The following VAV3 variants were observed in gnomAD, a reference collection of about 807,000 sequenced individuals.
The protein encoded by VAV3 is guanine nucleotide exchange factor VAV3.
In VAV3, 94 loss-of-function variants were observed where a neutral mutation model predicts 131.2. The ratio of observed to expected loss-of-function variants is 0.72; its 90% confidence interval spans 0.61 to 0.85. VAV3 has a LOEUF of 0.85. Among genes scored for constraint, VAV3 ranks in the 40% least tolerant of loss-of-function variants. The probability of loss-of-function intolerance (pLI) is 0.00; values close to 1 mark genes in which losing one functional copy is unlikely to be tolerated. For synonymous variants in VAV3, 349 were observed against 342.0 expected, an observed-to-expected ratio of 1.02 and a Z score of -0.22; for missense variants, 939 against 1,002.7, an observed-to-expected ratio of 0.94 and a Z score of 0.86.
rs1214017570 is a variant in VAV3 at position 107,830,111 on chromosome 1, GAA to G, written c.321+44788_321+44789del. Among the ~76,000 whole-genome samples the G allele has an allele frequency of 5.3e-5, 8 of 152,212 alleles. No individual in the cohort carries two copies. In the East Asian group the frequency reaches 1.5e-3, roughly 29 times the overall value. ...CAGCAGGCTTTAAAGGCCATTGTCA[GAA>G]AAGTCTGAGAACCAGAAAACAGGTT... On this transcript the variant is annotated intron_variant, in intron 2 of 26. Coordinates refer to ENST00000370056, the MANE Select transcript of VAV3 (RefSeq NM_006113.5).
At chr1:107,870,954 G>A (rs987006996) in intron 2 of VAV3, among the ~76,000 whole-genome samples, 5 of 152,076 alleles carry the variant, frequency 3.3e-5, no homozygotes, top group African/African-American at 7.2e-5. Context: ...CTTCTATTAC[G>A]CTCTAGAAAT....
chr1:107,913,271 G>A (rs1392935023), intron 1 of VAV3, among the ~76,000 whole-genome samples: 2 of 152,178 alleles, frequency 1.3e-5, no homozygotes, highest in Admixed American at 1.3e-4. Flanking sequence ...GTTTGCCAGA[G>A]AAATGTCAGA....
chr1:107,796,667 A>T (rs1666562274), intron 2 of VAV3, among the ~76,000 whole-genome samples: 1 of 152,028 alleles, frequency 6.6e-6, no homozygotes, highest in African/African-American at 2.4e-5. Context: ...AAGAGTACTT[A>T]TTATGCTCAC....
chr1:107,685,194 T>A (rs543537675), intron 18 of VAV3, among the ~76,000 whole-genome samples: 1 of 152,308 alleles, frequency 6.6e-6, no homozygotes, highest in South Asian at 2.1e-4. Context: ...TCTTACACCT[T>A]GAATTTAGAA....
chr1:107,818,339 C>T (rs932545552), intron 2 of VAV3, among the ~76,000 whole-genome samples: 8 of 152,022 alleles, frequency 5.3e-5, no homozygotes, highest in African/African-American at 1.7e-4. Flanking sequence ...ATTCTCTATA[C>T]GTTTAGTGGA....
At chr1:107,643,431 ATT>A (rs1427418467) in intron 19 of VAV3, among the ~76,000 whole-genome samples, 2 of 152,130 alleles carry the variant, frequency 1.3e-5, no homozygotes, top group Non-Finnish European at 2.9e-5. Flanking sequence ...TCAGTTCACG[ATT>A]TCATTTTTGA....
At chr1:107,952,428 T>C (rs1344951732) in intron 1 of VAV3, among the ~76,000 whole-genome samples, 3 of 145,912 alleles carry the variant, frequency 2.1e-5, no homozygotes, top group Admixed American at 6.9e-5. Context: ...TTTACCTATG[T>C]AACAAACCTG....
At chr1:107,914,458 TC>T (rs1431675872) in intron 1 of VAV3, among the ~76,000 whole-genome samples, 1 of 152,138 alleles carries the variant, frequency 6.6e-6, no homozygotes. Context: ...ATTATTTGAG[TC>T]CTAATGCCAT....
chr1:107,916,792 T>TGAATG (rs1445958006), intron 1 of VAV3, among the ~76,000 whole-genome samples: 5 of 152,032 alleles, frequency 3.3e-5, no homozygotes, highest in Non-Finnish European at 5.9e-5. Flanking sequence ...ATGAATGAAT[T>TGAATG]AATACGATTC....
chr1:107,631,976 C>T (rs988032358), intron 20 of VAV3, among the ~76,000 whole-genome samples: 4 of 152,046 alleles, frequency 2.6e-5, no homozygotes, highest in Non-Finnish European at 4.4e-5. Context: ...GATTTATAAT[C>T]TTTTGGGTAT....
intron 1 of VAV3, among the ~76,000 whole-genome samples, chr1:107,909,443 C>T (rs531637485): frequency 1.1e-4 from 16 of 147,126 alleles, no homozygotes; most frequent in Admixed American, 1.1e-3. Flanking sequence ...GATGAGTAGA[C>T]AATGGAAAAA....
At chr1:107,851,252 G>A (rs887098934) in intron 2 of VAV3, among the ~76,000 whole-genome samples, 2 of 150,852 alleles carry the variant, frequency 1.3e-5, no homozygotes, top group African/African-American at 4.9e-5. Flanking sequence ...GAAAGGAGAA[G>A]AGCTATCACT....
chr1:107,860,140 A>C (rs1478298720), intron 2 of VAV3, among the ~76,000 whole-genome samples: 2 of 152,092 alleles, frequency 1.3e-5, no homozygotes, highest in Admixed American at 6.6e-5. Flanking sequence ...TTTGTTTTTG[A>C]CAGGGAGTCT....
chr1:107,916,190 A>AT (rs988644707), intron 1 of VAV3, among the ~76,000 whole-genome samples: 2 of 152,154 alleles, frequency 1.3e-5, no homozygotes, highest in African/African-American at 4.8e-5. Context: ...CACACAAAAA[A>AT]ATATATATAT....
At chr1:107,681,085 T>C (rs1658571406) in intron 19 of VAV3, among the ~76,000 whole-genome samples, 1 of 152,180 alleles carries the variant, frequency 6.6e-6, no homozygotes, top group African/African-American at 2.4e-5. Flanking sequence ...ATATATATAA[T>C]ATACCTTTGA....
intron 2 of VAV3, among the ~76,000 whole-genome samples, chr1:107,811,140 T>C (rs1356490316): frequency 1.3e-5 from 2 of 152,128 alleles, no homozygotes; most frequent in Admixed American, 6.5e-5. Context: ...AGAAATAACA[T>C]TGACAGGTTT....
At chr1:107,846,058 G>T (rs1158632074) in intron 2 of VAV3, among the ~76,000 whole-genome samples, 2 of 152,152 alleles carry the variant, frequency 1.3e-5, no homozygotes, top group East Asian at 1.9e-4. Flanking sequence ...AGAAAGGTCA[G>T]GTTACCCACA....
intron 25 of VAV3, among the ~76,000 whole-genome samples, chr1:107,583,944 G>A (rs1393220305): frequency 3.3e-5 from 5 of 151,674 alleles, no homozygotes; most frequent in South Asian, 2.1e-4. Flanking sequence ...AGCCCGCATC[G>A]CCAAGTCAAT....
chr1:107,849,046 C>T (rs1041466955), intron 2 of VAV3, among the ~76,000 whole-genome samples: 1 of 152,080 alleles, frequency 6.6e-6, no homozygotes, highest in Non-Finnish European at 1.5e-5. Context: ...AGGAGAACTA[C>T]AAACCTCTGC....
Sources: gnomAD v4.1 joint callset for allele counts (sites outside exome capture counted in the v4.1 genomes callset) on GRCh38, gnomAD v4.1.1 for gene constraint, MANE v1.5 for transcripts, NCBI Gene and HGNC (gene_info 2026-07-23, HGNC 2026-07-21) for gene names.